The following PAX7 variants were observed in gnomAD, a reference collection of about 807,000 sequenced individuals.
PAX7 encodes the protein paired box protein Pax-7.
In PAX7, 18 loss-of-function variants were observed where a neutral mutation model predicts 50.7. The ratio of observed to expected loss-of-function variants is 0.36; its 90% CI spans 0.25 to 0.53. The LOEUF is 0.53. Among genes scored for constraint, PAX7 ranks in the 20% least tolerant of loss-of-function variants. The pLI, the probability that PAX7 is intolerant of heterozygous loss-of-function variation, is 0.93. For synonymous variants in PAX7, 310 were observed against 290.4 expected (o/e 1.07, Z -0.69); for missense variants, 644 against 702.9 (o/e 0.92, Z 0.95).
intron 4 of PAX7, among the ~76,000 whole-genome samples, chr1:18,687,840 C>G (rs1050806498): frequency 2.0e-5 from 3 of 152,036 alleles, no homozygotes; most frequent in Non-Finnish European, 4.4e-5. Context: ...GTCTGGGCTT[C>G]GGTCTGGGCA....
intron 4 of PAX7, among the ~76,000 whole-genome samples, chr1:18,691,216 C>T (rs1166553229): frequency 6.6e-6 from 1 of 152,162 alleles, no homozygotes; most frequent in Non-Finnish European, 1.5e-5. Flanking sequence ...TGGGCTCAAG[C>T]AATCCTCCTG....
chr1:18,664,982 G>A (rs983930892), intron 4 of PAX7, among the ~76,000 whole-genome samples: 2 of 152,070 alleles, frequency 1.3e-5, no homozygotes, highest in Non-Finnish European at 2.9e-5. Context: ...GAGTCAGCTG[G>A]ACCCAAGCTC....
chr1:18,663,327 C>A (rs1475522589), intron 4 of PAX7, among the ~76,000 whole-genome samples: 1 of 152,182 alleles, frequency 6.6e-6, no homozygotes, highest in Admixed American at 6.5e-5. Context: ...TGGATGATTT[C>A]TTCAGGTCTC....
intron 7 of PAX7, among the ~76,000 whole-genome samples, chr1:18,704,526 G>A (rs1230944656): frequency 1.3e-5 from 2 of 151,996 alleles, no homozygotes; most frequent in Admixed American, 6.6e-5. Flanking sequence ...AGGCTGAGGC[G>A]AGAGAATCGC....
At position 18,631,613 on chromosome 1, in the gene PAX7, C is replaced by T; in HGVS notation, c.10C>T (p.Leu4Phe). Residue 4 changes from leucine (L) to phenylalanine (F), a missense_variant, in exon 1 of 9, where the codon CTT becomes TTT. Coordinates refer to ENST00000420770, the MANE Select transcript of PAX7 (RefSeq NM_001135254.2). ...CCCGGCGTGCGCAAGAATGGCGGCCCTTCCCGGCACGGTACCGAGAATGAT... is the reference window on the plus strand; with the variant it reads ...CCCGGCGTGCGCAAGAATGGCGGCCTTTCCCGGCACGGTACCGAGAATGAT... MAA[L>F]PGTVPRMMRP... 1.2e-6 allele frequency: 2 copies of T among 1,612,320 alleles called. No homozygotes were observed. Among genetic ancestry groups the T allele is most frequent in the Non-Finnish European group, 1.7e-6 (2 of 1,179,652 alleles).
In PAX7 at chr1:18,663,575, G is replaced by T. The variant is rs183848182; in HGVS notation, c.586+27204G>T. 7.7e-3 allele frequency among the ~76,000 whole-genome samples: 1,179 copies of T among 152,306 alleles called. 54 individuals are homozygous for T. The highest frequency in any genetic ancestry group is 0.069 in the Admixed American group (1,060 of 15,300). On this transcript the variant is annotated intron_variant, in intron 4 of 8. Coordinates refer to ENST00000420770, the MANE Select transcript of PAX7 (RefSeq NM_001135254.2). ...TTTTTATATTTTCAATAGAGGTGGG[G>T]TTTCGCCATGTTGGCCAGCTGGTCT...
intron 8 of PAX7, among the ~76,000 whole-genome samples, chr1:18,741,465 A>AAGAG (rs1931129149): frequency 2.6e-5 from 4 of 151,632 alleles, no homozygotes; most frequent in Admixed American, 6.6e-5. Context: ...GAAAAAAAAA[A>AAGAG]AGAAAGAAAG....
intron 4 of PAX7, among the ~76,000 whole-genome samples, chr1:18,672,977 G>C (rs2088774613): frequency 6.6e-6 from 1 of 152,152 alleles, no homozygotes. Flanking sequence ...ATGCGGGGAA[G>C]AGGAGGTAAA....
intron 7 of PAX7, among the ~76,000 whole-genome samples, chr1:18,708,243 T>C (rs980301370): frequency 3.3e-5 from 5 of 152,036 alleles, no homozygotes; most frequent in Admixed American, 3.3e-4. Flanking sequence ...GGCCAGTTAC[T>C]TGGACAACGA....
intron 4 of PAX7, among the ~76,000 whole-genome samples, chr1:18,687,041 C>A (rs1284890004): frequency 6.6e-6 from 1 of 151,892 alleles, no homozygotes; most frequent in South Asian, 2.1e-4. Context: ...CAGGCGCATA[C>A]CACCATGCCC....
chr1:18,664,824 A>G (rs1393229274), intron 4 of PAX7, among the ~76,000 whole-genome samples: 1 of 152,104 alleles, frequency 6.6e-6, no homozygotes, highest in African/African-American at 2.4e-5. Context: ...CCTCCTGGGC[A>G]TATGATGGTA....
chr1:18,715,885 C>T (rs2089413945), intron 7 of PAX7, among the ~76,000 whole-genome samples: 1 of 152,128 alleles, frequency 6.6e-6, no homozygotes, highest in South Asian at 2.1e-4. Context: ...ATGCAGACCT[C>T]CTGTTGCAGA....
In PAX7 at chr1:18,647,562, G is replaced by A. The variant is rs1570118644; in HGVS notation, c.586+11191G>A. Among the ~76,000 whole-genome samples the A allele has an allele frequency of 2.6e-5, 4 of 152,094 alleles. No homozygotes were observed. In the East Asian group the frequency reaches 7.7e-4, roughly 29 times the overall value. ...AGGACCCTGGATTCTGAAAGATCTG[G>A]GTAATTTTGAGTGAAGCATTCTGAG... On this transcript the variant is annotated intron_variant, in intron 4 of 8. Coordinates refer to ENST00000420770, the MANE Select transcript of PAX7 (RefSeq NM_001135254.2).
At position 18,735,551 on chromosome 1, in the gene PAX7, C is replaced by T; in HGVS notation, c.1156-81C>T. On this transcript the variant is annotated intron_variant, in intron 7 of 8. Coordinates refer to ENST00000420770, the MANE Select transcript of PAX7 (RefSeq NM_001135254.2). The surrounding 1 kb of genome is among the most constrained non-coding windows in gnomAD (Gnocchi z 4.0). Reference sequence around the variant, plus strand: ...AACTCTGGCAAAGAGTGTTCCAGGGCCAGCCTGGCATTGTGCCCAGTGTGC... The same window carrying T: ...AACTCTGGCAAAGAGTGTTCCAGGGTCAGCCTGGCATTGTGCCCAGTGTGC... 1 of 1,540,972 alleles carries T rather than the reference C, an allele frequency of 6.5e-7. No individual in the cohort carries two copies. Among genetic ancestry groups the T allele is most frequent in the Non-Finnish European group, 8.8e-7 (1 of 1,139,242 alleles).
intron 4 of PAX7, among the ~76,000 whole-genome samples, chr1:18,662,927 C>T (rs2088621027): frequency 6.6e-6 from 1 of 150,744 alleles, no homozygotes; most frequent in African/African-American, 2.4e-5. Context: ...AAAAAAAAAA[C>T]CTCAAACACT....
intron 4 of PAX7, among the ~76,000 whole-genome samples, chr1:18,672,915 A>G (rs2236833): frequency 1.3e-5 from 2 of 151,956 alleles, no homozygotes; most frequent in Non-Finnish European, 2.9e-5. Context: ...GAGCACTGGT[A>G]TTTTATGAAG....
intron 4 of PAX7, among the ~76,000 whole-genome samples, chr1:18,668,497 T>A (rs999841994): frequency 6.6e-6 from 1 of 152,040 alleles, no homozygotes; most frequent in African/African-American, 2.4e-5. Context: ...GGTTAGGAGT[T>A]AGAGACAATC....
At chr1:18,720,579 G>A (rs186034718) in intron 7 of PAX7, among the ~76,000 whole-genome samples, 365 of 152,148 alleles carry the variant, frequency 2.4e-3, no homozygotes, top group Non-Finnish European at 3.2e-3. Flanking sequence ...ATGGAGAGAA[G>A]GGAGGTGTGT....
chr1:18,717,518 A>G (rs1249258650), intron 7 of PAX7, among the ~76,000 whole-genome samples: 1 of 152,044 alleles, frequency 6.6e-6, no homozygotes, highest in Non-Finnish European at 1.5e-5. Context: ...GTCTCAGCTC[A>G]GAGGTTGTTT....
Sources: gnomAD v4.1 joint callset for allele counts (sites outside exome capture counted in the v4.1 genomes callset) on GRCh38, gnomAD v4.1.1 for gene constraint, Gnocchi (gnomAD v3.1) non-coding constraint, MANE v1.5 for transcripts, NCBI Gene and HGNC (gene_info 2026-07-23, HGNC 2026-07-21) for gene names.